The following MBTD1 variants were observed in gnomAD, a reference collection of about 807,000 sequenced individuals.
MBTD1 encodes mbt domain containing 1, also known as MBT domain-containing protein 1.
A neutral mutation model predicts 87.8 loss-of-function variants in MBTD1; 24 were observed. The observed-to-expected ratio is 0.27, with a 90% CI of 0.20 to 0.38. The LOEUF (loss-of-function observed/expected upper bound fraction) is 0.38. Among genes scored for constraint, MBTD1 ranks in the 10% least tolerant of loss-of-function variants. The pLI is 1.00. For missense variants in MBTD1, 436 were observed against 760.2 expected (o/e 0.57, Z 5.02); for synonymous variants, 237 against 248.6 (o/e 0.95, Z 0.44).
Position 51,179,534 on chromosome 17 carries a change from A to C in MBTD1, c.*1042T>G, listed in dbSNP as rs1338288104. The C allele has an allele frequency of 9.6e-6, 1 of 104,668 alleles. No homozygotes were observed. The highest frequency in any genetic ancestry group is 2.0e-5 in the Non-Finnish European group (1 of 48,782). 6.5% of individuals were successfully genotyped at this position (104,668 alleles called of 1,614,324 possible). A position where few individuals can be genotyped will look rare whatever the true frequency, so the allele number is the denominator to read the frequency against. ...TATATATATATATATATATATATAT[A>C]TATGGAATTTTAAGAAAATTAAATT... On this transcript the variant is annotated 3_prime_UTR_variant, in exon 17 of 17. Coordinates refer to ENST00000586178, the MANE Select transcript of MBTD1 (RefSeq NM_017643.3).
At chr17:51,201,311 G>A (rs930684884) in intron 12 of MBTD1, among the ~76,000 whole-genome samples, 1 of 152,106 alleles carries the variant, frequency 6.6e-6, no homozygotes, top group African/African-American at 2.4e-5. Context: ...ATTCTGAATT[G>A]GACTAGCCTT....
In MBTD1 at chr17:51,189,320, T is replaced by C. The variant is rs187708886; in HGVS notation, c.1768+2883A>G. Among the ~76,000 whole-genome samples, 21 of 152,306 alleles carry C rather than the reference T, an allele frequency of 1.4e-4. No homozygotes were observed. The East Asian group carries it at 3.9e-3, about 28-fold the overall frequency. On this transcript the variant is annotated intron_variant, in intron 16 of 16. Transcript: ENST00000586178. ...CTGTGGGTCCATAGTTCTTTTCTTT[T>C]CTATGTCCAAAGGACAATTTAAAGG...
chr17:51,223,354 GA>G lies in MBTD1; in HGVS notation c.154+1653del, dbSNP rs1003917738. Among the ~76,000 whole-genome samples the G allele has an allele frequency of 2.8e-4, 43 of 151,682 alleles. 1 individual carries two copies. The highest frequency in any genetic ancestry group is 1.0e-3 in the African/African-American group (43 of 41,372). ...TTGAGACCAGCCTGGGCAATATGGT[GA>G]AAATTGCCCGTCTCTGAAAAAAATA... On this transcript the variant is annotated intron_variant, in intron 3 of 16. Transcript: ENST00000586178.
intron 8 of MBTD1, among the ~76,000 whole-genome samples, 199 bp downstream of exon 8, chr17:51,203,592 T>C (rs1012587041): frequency 1.3e-5 from 2 of 152,102 alleles, no homozygotes; most frequent in Non-Finnish European, 2.9e-5. Context: ...AGATGGGGTT[T>C]TGCCATGTTG....
At chr17:51,210,245 C>T (rs952309482) in intron 6 of MBTD1, among the ~76,000 whole-genome samples, 4 of 152,084 alleles carry the variant, frequency 2.6e-5, no homozygotes, top group African/African-American at 7.2e-5. Context: ...CCTGCCTCAG[C>T]CTCCCAAAGT....
intron 2 of MBTD1, among the ~76,000 whole-genome samples, chr17:51,246,687 G>A (rs1047800175): frequency 6.6e-6 from 1 of 152,132 alleles, no homozygotes; most frequent in African/African-American, 2.4e-5. Context: ...CCAGGCTGGA[G>A]TGCTGTGGTG....
At chr17:51,186,489 C>G (rs1382424248) in intron 16 of MBTD1, 1 of 152,126 alleles carries the variant, frequency 6.6e-6, no homozygotes, top group African/African-American at 2.4e-5. Flanking sequence ...GCTTTAAGAA[C>G]AGCTGGGCCG....
chr17:51,248,770 A>G (rs1454709761), intron 2 of MBTD1, among the ~76,000 whole-genome samples: 2 of 152,302 alleles, frequency 1.3e-5, no homozygotes, highest in East Asian at 1.9e-4. Flanking sequence ...TTTTACTATG[A>G]ATAAAGCTGC....
chr17:51,198,006 A>C (rs1390872942), intron 12 of MBTD1, among the ~76,000 whole-genome samples: 1 of 152,018 alleles, frequency 6.6e-6, no homozygotes, highest in Non-Finnish European at 1.5e-5. Context: ...GAGCTTCTAC[A>C]CCAGTGATTC....
chr17:51,242,958 T>A (rs1255880772), intron 2 of MBTD1, among the ~76,000 whole-genome samples: 1 of 152,226 alleles, frequency 6.6e-6, no homozygotes, highest in Non-Finnish European at 1.5e-5. Context: ...CTCCATTGTG[T>A]ATGTTTATTC....
chr17:51,203,214 AT>A lies in MBTD1; in HGVS notation c.753del (p.Lys251AsnfsTer9). 6.5e-7 allele frequency: 1 copy of A among 1,546,834 alleles called. No individual in the cohort carries two copies. The highest frequency in any genetic ancestry group is 8.7e-7 in the Non-Finnish European group (1 of 1,149,478). On this transcript the variant is annotated frameshift_variant, in exon 9 of 17. Transcript: ENST00000586178. LOFTEE classifies it high-confidence loss of function. ...ACTAGAAAAGCTTTCCAGTTTGTAT[AT>A]TTATGCTGAATAGCTAAAATAGAAG... Reference protein sequence around the residue: ...PLVPPRTIQHKYTNWKAFLVK... With the variant: ...PLVPPRTIQHXYTNWKAFLVK...
intron 16 of MBTD1, among the ~76,000 whole-genome samples, chr17:51,189,963 T>G (rs78063272): frequency 0.023 from 3,541 of 152,310 alleles, 58 homozygotes; most frequent in Non-Finnish European, 0.032. Flanking sequence ...GGGAGGCTTG[T>G]GCCTATAAAC....
At position 51,179,484 on chromosome 17, in the gene MBTD1, T is replaced by TATATATATATATATATATATATATATA. The variant is rs60957699; in HGVS notation, c.*1091_*1092insTATATATATATATATATATATATATAT. On this transcript the variant is annotated 3_prime_UTR_variant, in exon 17 of 17. Transcript: ENST00000586178. ...ATCCTGAATACAATTAAAGACAATT[T>TATATATATATATATATATATATATATA]TATATATATATATATATATATATAT... is the stretch of plus-strand genomic sequence containing the variant. The TATATATATATATATATATATATATATA allele has an allele frequency of 5.7e-5, 2 of 35,292 alleles. No individual in the cohort carries two copies. The highest frequency in any genetic ancestry group is 1.2e-4 in the Non-Finnish European group (2 of 17,026). The allele number at this position is 35,292 out of a possible 1,614,324, so 2.2% of individuals were successfully genotyped here. A position where few individuals can be genotyped will look rare whatever the true frequency, so the allele number is the denominator to read the frequency against.
chr17:51,180,729 G>T, intron 16 of MBTD1, 35 bp from the exon 17 acceptor site: 1 of 1,166,992 alleles, frequency 8.6e-7, no homozygotes, highest in Non-Finnish European at 1.3e-6. Context: ...TGGGCATTAA[G>T]GCTCTCTAGA....
chr17:51,220,570 A>T (rs2052826782), intron 3 of MBTD1, 107 bp from the exon 4 acceptor site: 1 of 1,103,490 alleles, frequency 9.1e-7, no homozygotes, highest in Non-Finnish European at 1.3e-6. Context: ...TAATTAAAAA[A>T]TTTGCCTTGA....
At chr17:51,194,032 T>C (rs949825187) in intron 13 of MBTD1, among the ~76,000 whole-genome samples, 4 of 152,226 alleles carry the variant, frequency 2.6e-5, no homozygotes, top group African/African-American at 9.6e-5. Context: ...TGGCTCTCTT[T>C]TTCTGTTTAC....
chr17:51,185,046 A>T (rs1255726854), intron 16 of MBTD1: 1 of 152,234 alleles, frequency 6.6e-6, no homozygotes, highest in Non-Finnish European at 1.5e-5. Context: ...GCTAAAGAAC[A>T]TATCCTAAAA....
Position 51,259,919 on chromosome 17 carries a change from G to A in MBTD1, c.-197C>T. The A allele has an allele frequency of 2.4e-6, 3 of 1,227,658 alleles. No homozygotes were observed. The highest frequency in any genetic ancestry group is 3.0e-6 in the Non-Finnish European group (3 of 983,930). The allele number at this position is 1,227,658 out of a possible 1,614,324, so 76.0% of individuals were successfully genotyped here. ...CCCGCGGCGCCCCCTCCCCGGGCTG[G>A]GGGCAGGTGCCTCTCCCCGGGACTG... On this transcript the variant is annotated 5_prime_UTR_variant, in exon 1 of 17. Transcript: ENST00000586178.
chr17:51,251,378 A>G (rs1487131912), intron 2 of MBTD1: 7 of 152,094 alleles, frequency 4.6e-5, no homozygotes, highest in Non-Finnish European at 7.4e-5. Flanking sequence ...CCAAGTCTTC[A>G]TGTTTCCCTT....
Sources: gnomAD v4.1 joint callset for allele counts (sites outside exome capture counted in the v4.1 genomes callset) on GRCh38, gnomAD v4.1.1 for gene constraint, MANE v1.5 for transcripts, NCBI Gene and HGNC (gene_info 2026-07-23, HGNC 2026-07-21) for gene names.